Variants in MAOB observed in about 807,000 individuals in gnomAD.
MAOB encodes monoamine oxidase B.
MAOB carries 15 observed loss-of-function variants against 41.9 expected under a neutral mutation model. That is an observed-to-expected ratio of 0.36 (90% confidence interval 0.24 to 0.55). The LOEUF (loss-of-function observed/expected upper bound fraction) is 0.55, where lower values mean the gene tolerates loss of function less well. Ranked by LOEUF, MAOB falls within the 20% of genes least tolerant of loss-of-function variation. MAOB has a pLI of 0.86. For missense variants in MAOB, 345 were observed against 398.7 expected, an observed-to-expected ratio of 0.87 and a Z score of 1.15; for synonymous variants, 167 against 144.2, an observed-to-expected ratio of 1.16 and a Z score of -1.13.
At chrX:43,817,849 A>ATAGCAACCT (rs2034836916) in intron 3 of MAOB, among the ~76,000 whole-genome samples, 1 of 112,090 alleles carries the variant, frequency 8.9e-6, no homozygotes, top group East Asian at 2.8e-4. Flanking sequence ...GTCAACCTTT[A>ATAGCAACCT]TTATTCTTCA....
intron 11 of MAOB, 57 bp downstream of exon 11, chrX:43,778,625 A>G: frequency 1.7e-5 from 17 of 972,121 alleles, no homozygotes; most frequent in Non-Finnish European, 2.4e-5. Context: ...CCTGCTAGTC[A>G]CTTGGGGACA....
chrX:43,783,007 T>C (rs778820615), intron 8 of MAOB, among the ~76,000 whole-genome samples: 4 of 111,668 alleles, frequency 3.6e-5, no homozygotes, highest in Non-Finnish European at 5.6e-5. Flanking sequence ...TAATAAGAGC[T>C]ATTTAGGACA....
chrX:43,802,447 T>C (rs926965542), intron 4 of MAOB, among the ~76,000 whole-genome samples, 184 bp from the exon 5 acceptor site: 2 of 112,287 alleles, frequency 1.8e-5, no homozygotes, highest in African/African-American at 6.5e-5. Context: ...ATCAATGCTG[T>C]CTATGTAGCT....
At chrX:43,824,694 G>A (rs1321475850) in intron 3 of MAOB, among the ~76,000 whole-genome samples, 5 of 110,948 alleles carry the variant, frequency 4.5e-5, no homozygotes, top group African/African-American at 1.6e-4. Context: ...AAAAAAAAAA[G>A]AAAAGATTTG....
intron 14 of MAOB, 146 bp downstream of exon 14, chrX:43,768,508 C>G (rs2034139796): frequency 2.1e-6 from 1 of 468,578 alleles, no homozygotes; most frequent in Non-Finnish European, 3.7e-6. Flanking sequence ...TACCCTAACC[C>G]ATGATACTTA....
intron 1 of MAOB, among the ~76,000 whole-genome samples, chrX:43,859,768 A>G (rs2035320120): frequency 8.9e-6 from 1 of 112,356 alleles, no homozygotes. Flanking sequence ...TACCATGAGC[A>G]CATGAGCATG....
At chrX:43,828,631 C>T (rs914347061) in intron 3 of MAOB, among the ~76,000 whole-genome samples, 1 of 111,622 alleles carries the variant, frequency 9.0e-6, no homozygotes, top group Non-Finnish European at 1.9e-5. Context: ...CCTCAGCACC[C>T]TTATCCTTTT....
chrX:43,776,449 A>G (rs528866746), intron 11 of MAOB, among the ~76,000 whole-genome samples: 4 of 112,116 alleles, frequency 3.6e-5, no homozygotes, highest in African/African-American at 1.3e-4. Context: ...CCATCTCACG[A>G]GTTGTTGCAG....
At chrX:43,881,718 T>C (rs776429235) in intron 1 of MAOB, among the ~76,000 whole-genome samples, 1 of 111,884 alleles carries the variant, frequency 8.9e-6, no homozygotes, top group African/African-American at 3.2e-5. Context: ...AAAAAGACAC[T>C]GCAGCCTCAA....
At chrX:43,833,340 C>G (rs56099201) in intron 3 of MAOB, among the ~76,000 whole-genome samples, 2 of 110,924 alleles carry the variant, frequency 1.8e-5, no homozygotes, top group Non-Finnish European at 3.8e-5. Context: ...ACATGTGATA[C>G]GCAGCCTGGG....
chrX:43,848,400 AAG>A (rs1157618503), intron 1 of MAOB, among the ~76,000 whole-genome samples: 1 of 112,278 alleles, frequency 8.9e-6, no homozygotes, highest in Non-Finnish European at 1.9e-5. Context: ...AAGTTATGAA[AAG>A]AGAGAGAGGG....
At chrX:43,874,402 A>G (rs1602039221) in intron 1 of MAOB, among the ~76,000 whole-genome samples, 1 of 111,459 alleles carries the variant, frequency 9.0e-6, no homozygotes, top group East Asian at 2.8e-4. Context: ...GAATAACCCA[A>G]TACATTATAA....
At chrX:43,796,383 T>C (rs1008030994) in intron 6 of MAOB, among the ~76,000 whole-genome samples, 1 of 111,421 alleles carries the variant, frequency 9.0e-6, no homozygotes, top group Non-Finnish European at 1.9e-5. Flanking sequence ...CTGGGTCAGA[T>C]GCCTGCTGCT....
At chrX:43,809,700 T>C (rs1447465744) in intron 3 of MAOB, among the ~76,000 whole-genome samples, 1 of 112,018 alleles carries the variant, frequency 8.9e-6, no homozygotes, top group Non-Finnish European at 1.9e-5. Context: ...CCAGTGATTA[T>C]TACTGTTTTG....
At chrX:43,771,729 T>A (rs752588780) in intron 12 of MAOB, among the ~76,000 whole-genome samples, 12 of 111,521 alleles carry the variant, frequency 1.1e-4, no homozygotes, top group African/African-American at 3.6e-4. Flanking sequence ...AACAAAGGCT[T>A]AGAGAACTAA....
At chrX:43,855,283 T>G (rs2035280604) in intron 1 of MAOB, among the ~76,000 whole-genome samples, 1 of 112,102 alleles carries the variant, frequency 8.9e-6, no homozygotes, top group African/African-American at 3.2e-5. Context: ...TTCTTCTTCT[T>G]TTCTTAAAGC....
intron 1 of MAOB, among the ~76,000 whole-genome samples, chrX:43,854,631 A>G (rs768361002): frequency 8.9e-6 from 1 of 111,867 alleles, no homozygotes; most frequent in African/African-American, 3.2e-5. Context: ...ATACCTATGT[A>G]ACAAACCTGC....
chrX:43,862,274 C>T (rs2035337740), intron 1 of MAOB, among the ~76,000 whole-genome samples: 1 of 111,629 alleles, frequency 9.0e-6, no homozygotes, highest in South Asian at 3.8e-4. Context: ...TTCCTTTACC[C>T]TGTATTGTAT....
At chrX:43,838,097 G>A (rs190432846) in intron 3 of MAOB, 20 of 256,165 alleles carry the variant, frequency 7.8e-5, no homozygotes, top group Non-Finnish European at 1.1e-4. Flanking sequence ...TTGTATTTCT[G>A]CAAATTTAAG....
Sources: gnomAD v4.1 joint callset for allele counts (sites outside exome capture counted in the v4.1 genomes callset) on GRCh38, gnomAD v4.1.1 for gene constraint, MANE v1.5 for transcripts, NCBI Gene and HGNC (gene_info 2026-07-23, HGNC 2026-07-21) for gene names.